Variants in MBOAT1 observed in about 807,000 individuals in gnomAD.
The protein encoded by MBOAT1 is membrane-bound glycerophospholipid O-acyltransferase 1.
In MBOAT1, 67 loss-of-function variants were observed where a neutral mutation model predicts 64.4. That is an observed-to-expected ratio of 1.04 (90% CI 0.85 to 1.27). The LOEUF (loss-of-function observed/expected upper bound fraction) is 1.27, where lower values mean the gene tolerates loss of function less well. MBOAT1 is among the 50% of genes most tolerant of loss of function. The pLI, the probability that MBOAT1 is intolerant of heterozygous loss-of-function variation, is 0.00. For missense variants in MBOAT1, 563 were observed against 604.6 expected, an observed-to-expected ratio of 0.93 and a Z score of 0.72; for synonymous variants, 229 against 218.9, an observed-to-expected ratio of 1.05 and a Z score of -0.41.
rs138528296 is a variant in MBOAT1, at chr6:20,152,704, A to G, written c.165T>C (p.Arg55=). 2 of 1,612,188 alleles carry G rather than the reference A, an allele frequency of 1.2e-6. No individual in the cohort carries two copies. The highest frequency in any genetic ancestry group is 1.7e-6 in the Non-Finnish European group (2 of 1,178,784). ...FAAFWFRIYL[R]PGTTSSDVRH... ...GGACATCAGAGCTGGTTGTACCAGGACGTAAGTAGATGCGAAACCAGAAAG... is the reference window on the plus strand; with the variant it reads ...GGACATCAGAGCTGGTTGTACCAGGGCGTAAGTAGATGCGAAACCAGAAAG... The change falls in exon 2 of 13, where the codon CGT becomes CGC. Residue 55 remains arginine (R), a synonymous_variant. Coordinates refer to ENST00000324607, the MANE Select transcript of MBOAT1 (RefSeq NM_001080480.3).
At chr6:20,109,560 C>A in intron 12 of MBOAT1, 38 bp downstream of exon 12, 3 of 1,596,040 alleles carry the variant, frequency 1.9e-6, no homozygotes, top group South Asian at 2.2e-5. Flanking sequence ...AAAATAGAGT[C>A]ATTTACGAGA....
rs528336811 is a variant in MBOAT1, at chr6:20,133,203, G to A, written c.420-2004C>T. On this transcript the variant is annotated intron_variant, in intron 4 of 12. Transcript: ENST00000324607. ...AGGCTGAGAGAGGGAAAGAGAACTC[G>A]GCTGTGAAAGAAGAAAAGGAAGGTC... 2.5e-4 allele frequency among the ~76,000 whole-genome samples: 38 copies of A among 152,248 alleles called. 1 individual carries two copies. The highest frequency in any genetic ancestry group is 2.6e-4 in the Admixed American group (4 of 15,288).
At chr6:20,161,290 A>G (rs2113709684) in intron 1 of MBOAT1, among the ~76,000 whole-genome samples, 1 of 152,148 alleles carries the variant, frequency 6.6e-6, no homozygotes, top group South Asian at 2.1e-4. Context: ...ATCTAGTTGC[A>G]GGAAAACAAG....
intron 1 of MBOAT1, among the ~76,000 whole-genome samples, chr6:20,210,357 C>T (rs1403104640): frequency 1.3e-5 from 2 of 152,136 alleles, no homozygotes; most frequent in African/African-American, 2.4e-5. Context: ...CTTCCAAACT[C>T]GCAAGCCACA....
At chr6:20,208,648 G>A (rs1478837740) in intron 1 of MBOAT1, among the ~76,000 whole-genome samples, 1 of 151,762 alleles carries the variant, frequency 6.6e-6, no homozygotes, top group East Asian at 1.9e-4. Context: ...CTTATCTCCT[G>A]GTCTATTTTC....
At chr6:20,195,605 CTGTGTGTG>C (rs10540923) in intron 1 of MBOAT1, among the ~76,000 whole-genome samples, 33 of 149,532 alleles carry the variant, frequency 2.2e-4, no homozygotes, top group Admixed American at 4.7e-4. Context: ...AATAAATTGC[CTGTGTGTG>C]TGTGTGTGTG....
At chr6:20,140,923 C>T (rs549524617) in intron 4 of MBOAT1, among the ~76,000 whole-genome samples, 4 of 152,148 alleles carry the variant, frequency 2.6e-5, no homozygotes, top group African/African-American at 7.2e-5. Context: ...TATCTGTGGC[C>T]GCCAGCTACA....
intron 1 of MBOAT1, among the ~76,000 whole-genome samples, chr6:20,158,042 G>C (rs1761746022): frequency 6.6e-6 from 1 of 151,842 alleles, no homozygotes; most frequent in Non-Finnish European, 1.5e-5. Flanking sequence ...TGTAGTCCCA[G>C]CTACTCGGGA....
intron 12 of MBOAT1, among the ~76,000 whole-genome samples, chr6:20,103,932 AC>A (rs1194420197): frequency 6.6e-6 from 1 of 152,056 alleles, no homozygotes; most frequent in African/African-American, 2.4e-5. Context: ...CTTCACATTC[AC>A]TCACCACTCA....
chr6:20,113,144 G>A (rs1760223568), intron 10 of MBOAT1, 136 bp from the exon 11 acceptor site: 1 of 1,044,962 alleles, frequency 9.6e-7, no homozygotes, highest in Non-Finnish European at 1.3e-6. Flanking sequence ...CGTCTTCGGG[G>A]ACTTGCAGTG....
intron 1 of MBOAT1, among the ~76,000 whole-genome samples, chr6:20,209,518 AT>A (rs1237764312): frequency 4.6e-5 from 7 of 152,228 alleles, no homozygotes; most frequent in Non-Finnish European, 1.0e-4. Context: ...ATTTTTGCTG[AT>A]AATAAACTAC....
intron 1 of MBOAT1, among the ~76,000 whole-genome samples, chr6:20,205,873 A>T (rs928370011): frequency 6.6e-6 from 1 of 151,854 alleles, no homozygotes; most frequent in Non-Finnish European, 1.5e-5. Context: ...ACTGGACACC[A>T]CCTCATCAGG....
At chr6:20,109,248 G>A (rs537633645) in intron 12 of MBOAT1, among the ~76,000 whole-genome samples, 5 of 152,236 alleles carry the variant, frequency 3.3e-5, no homozygotes, top group African/African-American at 1.2e-4. Flanking sequence ...ACACGTCATA[G>A]TCCCCAGTAC....
intron 4 of MBOAT1, among the ~76,000 whole-genome samples, chr6:20,132,100 C>G (rs897619467): frequency 7.2e-5 from 11 of 152,004 alleles, no homozygotes; most frequent in South Asian, 4.2e-4. Context: ...CCCAGCTGGT[C>G]TCGAACATGA....
intron 1 of MBOAT1, among the ~76,000 whole-genome samples, chr6:20,206,688 G>A (rs1763276480): frequency 6.6e-6 from 1 of 152,078 alleles, no homozygotes; most frequent in South Asian, 2.1e-4. Context: ...ACACCTTAGG[G>A]ACCTCATAGT....
At chr6:20,209,628 G>A (rs1161934902) in intron 1 of MBOAT1, among the ~76,000 whole-genome samples, 1 of 152,096 alleles carries the variant, frequency 6.6e-6, no homozygotes, top group Non-Finnish European at 1.5e-5. Context: ...TCCTTAAGAG[G>A]CATACAAAAA....
chr6:20,137,797 C>T (rs1761042858), intron 4 of MBOAT1, among the ~76,000 whole-genome samples: 1 of 152,158 alleles, frequency 6.6e-6, no homozygotes, highest in East Asian at 1.9e-4. Flanking sequence ...CCTGTCTGTG[C>T]TCTTATTCTG....
intron 2 of MBOAT1, among the ~76,000 whole-genome samples, chr6:20,152,384 AATT>A (rs1447051026): frequency 2.6e-5 from 3 of 116,380 alleles, no homozygotes; most frequent in South Asian, 2.7e-4. Flanking sequence ...TTAATTAATT[AATT>A]AAAAAAAAGA....
At chr6:20,105,065 A>G (rs1298507103) in intron 12 of MBOAT1, among the ~76,000 whole-genome samples, 1 of 152,252 alleles carries the variant, frequency 6.6e-6, no homozygotes, top group African/African-American at 2.4e-5. Context: ...AGTGCTCCAC[A>G]GATAAACACG....
Sources: gnomAD v4.1 joint callset for allele counts (sites outside exome capture counted in the v4.1 genomes callset) on GRCh38, gnomAD v4.1.1 for gene constraint, MANE v1.5 for transcripts, NCBI Gene and HGNC (gene_info 2026-07-23, HGNC 2026-07-21) for gene names.